The following SRD5A2 variants were observed in gnomAD, a reference collection of about 807,000 sequenced individuals.
The protein encoded by SRD5A2 is steroid 5 alpha-reductase 2, also known as 3-oxo-5-alpha-steroid 4-dehydrogenase 2.
In SRD5A2, 30 loss-of-function variants were observed where a neutral mutation model predicts 27.4. That is an observed-to-expected ratio of 1.10 (90% CI 0.82 to 1.49). The LOEUF (loss-of-function observed/expected upper bound fraction) is 1.49. Among genes scored for constraint, SRD5A2 ranks in the 40% most tolerant of loss-of-function variants. The pLI, the probability that SRD5A2 is intolerant of heterozygous loss-of-function variation, is 0.00. For missense variants in SRD5A2, 348 were observed against 323.4 expected, an observed-to-expected ratio of 1.08 and a Z score of -0.58; for synonymous variants, 141 against 133.6, an observed-to-expected ratio of 1.06 and a Z score of -0.38.
At chr2:31,553,719 A>T (rs1430401466) in intron 1 of SRD5A2, among the ~76,000 whole-genome samples, 1 of 152,178 alleles carries the variant, frequency 6.6e-6, no homozygotes, top group Non-Finnish European at 1.5e-5. Flanking sequence ...ATATTTGAGG[A>T]GTTTGGACAA....
rs755966844 is a variant in SRD5A2 at position 31,526,115 on chromosome 2, T to C, written c.*81A>G. On this transcript the variant is annotated 3_prime_UTR_variant, in exon 5 of 5. Coordinates refer to ENST00000622030, the MANE Select transcript of SRD5A2 (RefSeq NM_000348.4). ...CTATTACATATATACGGGACTATTATATCATGAAAATTACAGTTTCAGCAG... is the reference window on the plus strand; with the variant it reads ...CTATTACATATATACGGGACTATTACATCATGAAAATTACAGTTTCAGCAG... The C allele has an allele frequency of 5.9e-6, 5 of 842,916 alleles. 1 individual carries two copies. The South Asian group carries it at 6.1e-5, about 10-fold the overall frequency. The allele number at this position is 842,916 out of a possible 1,614,324, so 52.2% of individuals were successfully genotyped here. A position where few individuals can be genotyped will look rare whatever the true frequency, so the allele number is the denominator to read the frequency against.
the SRD5A2 span, among the ~76,000 whole-genome samples, chr2:31,655,052 AG>A: frequency 6.6e-6 from 1 of 152,204 alleles, no homozygotes; most frequent in African/African-American, 2.4e-5. Flanking sequence ...AAGTTGAAAC[AG>A]AGAACAAAGC....
the SRD5A2 span, among the ~76,000 whole-genome samples, chr2:31,661,103 T>G: frequency 1.3e-5 from 2 of 152,118 alleles, no homozygotes; most frequent in African/African-American, 4.8e-5. Context: ...CACTGAGCAA[T>G]AGTTTTGCTT....
rs1224431052 is a variant in SRD5A2, at chr2:31,538,948, G to A, written c.282-5182C>T. On this transcript the variant is annotated intron_variant, in intron 1 of 4. Transcript: ENST00000622030. The stretch of plus-strand genomic sequence containing the variant: ...CAGTGCCTGGGACACAGCAGGCCTG[G>A]AATGAATTTTGAATGAAAGAGAGTC... 2.6e-5 allele frequency among the ~76,000 whole-genome samples: 4 copies of A among 152,308 alleles called. No individual in the cohort carries two copies. The South Asian group carries it at 8.3e-4, about 32-fold the overall frequency.
chr2:31,580,254 C>T (rs371158475), intron 1 of SRD5A2, among the ~76,000 whole-genome samples: 52 of 152,346 alleles, frequency 3.4e-4, no homozygotes, highest in African/African-American at 1.2e-3. Context: ...CACAGGTAAC[C>T]GCCGCCTGCG....
upstream of SRD5A2, among the ~76,000 whole-genome samples, chr2:31,583,619 A>C (rs1289177018): frequency 7.1e-5 from 5 of 70,152 alleles, no homozygotes; most frequent in Non-Finnish European, 1.2e-4. Flanking sequence ...TCCAGGAAAA[A>C]AAAAAAAAAC....
At position 31,580,661 on chromosome 2, in the gene SRD5A2, C is replaced by A; in HGVS notation, c.240G>T (p.Gly80=). The change falls in exon 1 of 5, where the codon GGG becomes GGT. Residue 80 remains glycine, a synonymous_variant. Transcript: ENST00000622030. Reference sequence around the variant, plus strand: ...GGCAGAAGAGGCCCAGAAGTACCGTCCCAGGTGGCCCGAAGAGGGAGAGGG... The same window carrying A: ...GGCAGAAGAGGCCCAGAAGTACCGTACCAGGTGGCCCGAAGAGGGAGAGGG... ...RQPLSLFGPP[G]TVLLGLFCLH... is the part of the protein sequence containing the mutation. The A allele has an allele frequency of 6.3e-7, 1 of 1,593,236 alleles. No homozygotes were observed. The highest frequency in any genetic ancestry group is 8.5e-7 in the Non-Finnish European group (1 of 1,175,992).
the SRD5A2 span, among the ~76,000 whole-genome samples, chr2:31,623,388 G>A: frequency 6.6e-6 from 1 of 152,016 alleles, no homozygotes; most frequent in Non-Finnish European, 1.5e-5. Context: ...CATTTACTTA[G>A]GAATGTATTC....
At chr2:31,658,295 C>T in the SRD5A2 span, among the ~76,000 whole-genome samples, 1 of 151,928 alleles carries the variant, frequency 6.6e-6, no homozygotes, top group African/African-American at 2.4e-5. Flanking sequence ...AAATTAATAA[C>T]CTAACATTAT....
the SRD5A2 span, among the ~76,000 whole-genome samples, chr2:31,624,361 AATT>A: frequency 6.6e-6 from 1 of 151,678 alleles, no homozygotes; most frequent in Admixed American, 6.6e-5. Context: ...TTTTTTAATT[AATT>A]ATTATTTTTT....
the SRD5A2 span, among the ~76,000 whole-genome samples, chr2:31,591,924 C>T: frequency 2.2e-4 from 27 of 125,568 alleles, no homozygotes; most frequent in East Asian, 1.2e-3. Flanking sequence ...ACATCACCCA[C>T]GGCAGCCTGT....
At chr2:31,529,873 C>T (rs565771415) in intron 3 of SRD5A2, among the ~76,000 whole-genome samples, 1 of 152,280 alleles carries the variant, frequency 6.6e-6, no homozygotes, top group African/African-American at 2.4e-5. Context: ...AAATGTGAAA[C>T]TGCACACTAC....
the SRD5A2 span, among the ~76,000 whole-genome samples, chr2:31,645,068 G>C: frequency 1.3e-5 from 2 of 152,106 alleles, no homozygotes; most frequent in Admixed American, 6.5e-5. Flanking sequence ...AACTTGTTTT[G>C]TGTCAGCTAT....
chr2:31,597,183 C>T, the SRD5A2 span, among the ~76,000 whole-genome samples: 2 of 152,024 alleles, frequency 1.3e-5, no homozygotes, highest in East Asian at 1.9e-4. Flanking sequence ...TACTTATAGC[C>T]AACTGATCTT....
intron 1 of SRD5A2, among the ~76,000 whole-genome samples, chr2:31,566,995 T>C (rs1173649514): frequency 6.6e-6 from 1 of 152,220 alleles, no homozygotes; most frequent in Non-Finnish European, 1.5e-5. Context: ...CTTTATGTGC[T>C]ACTTTTTAAC....
chr2:31,561,803 AT>A (rs1294356810), intron 1 of SRD5A2, among the ~76,000 whole-genome samples: 1 of 152,156 alleles, frequency 6.6e-6, no homozygotes, highest in Non-Finnish European at 1.5e-5. Context: ...TTTTAAAAAA[AT>A]TTTTAATACC....
intron 1 of SRD5A2, among the ~76,000 whole-genome samples, chr2:31,577,147 TA>T (rs71405578): frequency 0.018 from 685 of 38,056 alleles, 8 homozygotes; most frequent in Admixed American, 0.035. Flanking sequence ...TAGAGTATAA[TA>T]AAAAAAAAAA....
chr2:31,562,723 C>G (rs1056714768), intron 1 of SRD5A2, among the ~76,000 whole-genome samples: 1 of 152,142 alleles, frequency 6.6e-6, no homozygotes, highest in South Asian at 2.1e-4. Flanking sequence ...CTATTGGGTA[C>G]TATGTTCACC....
chr2:31,531,870 G>C (rs998049799), intron 2 of SRD5A2, among the ~76,000 whole-genome samples: 2 of 152,054 alleles, frequency 1.3e-5, no homozygotes, highest in Non-Finnish European at 2.9e-5. Context: ...CTTTTCTTTT[G>C]CCATCCCCCA....
Sources: allele counts gnomAD v4.1 joint callset (sites outside exome capture counted in the v4.1 genomes callset), GRCh38; gene constraint gnomAD v4.1.1; transcripts MANE v1.5; gene names NCBI Gene and HGNC (gene_info 2026-07-23, HGNC 2026-07-21).